The following CDH13 variants were observed in gnomAD, a reference collection of about 807,000 sequenced individuals.
CDH13 encodes the protein cadherin-13.
Under a neutral mutation model 63.8 loss-of-function variants are expected in CDH13, and 24 were observed. The observed-to-expected ratio is 0.38, with a 90% CI of 0.27 to 0.53. The LOEUF (loss-of-function observed/expected upper bound fraction) is 0.53, where lower values mean the gene tolerates loss of function less well. Ranked by LOEUF, CDH13 falls within the 20% of genes least tolerant of loss-of-function variation. The pLI is 0.85. For missense variants in CDH13, 1,049 were observed against 903.1 expected (o/e 1.16, Z -2.07); for synonymous variants, 503 against 355.3 (o/e 1.42, Z -4.67).
intron 10 of CDH13, among the ~76,000 whole-genome samples, chr16:83,738,414 G>C (rs1372966806): frequency 2.0e-5 from 3 of 152,250 alleles, no homozygotes; most frequent in Admixed American, 1.3e-4. Flanking sequence ...TCTGGAAGTG[G>C]ATTAGGGTGA....
intron 5 of CDH13, among the ~76,000 whole-genome samples, chr16:83,325,488 C>G (rs750467736): frequency 6.6e-6 from 1 of 152,140 alleles, no homozygotes; most frequent in Non-Finnish European, 1.5e-5. Context: ...TTAGGCCTTG[C>G]GAGTCATGCA....
intron 4 of CDH13, among the ~76,000 whole-genome samples, chr16:83,149,190 C>A (rs1297558200): frequency 6.6e-6 from 1 of 152,148 alleles, no homozygotes; most frequent in Non-Finnish European, 1.5e-5. Context: ...AACTAATTTC[C>A]TGTAGCTTCA....
intron 8 of CDH13, among the ~76,000 whole-genome samples, chr16:83,644,485 A>G (rs1224470887): frequency 1.3e-5 from 2 of 152,230 alleles, no homozygotes; most frequent in Admixed American, 1.3e-4. Flanking sequence ...TAAACTCCCA[A>G]AAGCAAAATG....
chr16:83,410,690 G>T (rs192287427), intron 6 of CDH13, among the ~76,000 whole-genome samples: 1 of 152,136 alleles, frequency 6.6e-6, no homozygotes, highest in Non-Finnish European at 1.5e-5. Flanking sequence ...ATAGAAATTA[G>T]TTCTTTATTC....
At chr16:83,213,511 C>G (rs779038962) in intron 4 of CDH13, among the ~76,000 whole-genome samples, 1 of 152,072 alleles carries the variant, frequency 6.6e-6, no homozygotes, top group Non-Finnish European at 1.5e-5. Context: ...GCCCGGAAGG[C>G]TTTTCCTGGC....
chr16:83,479,742 G>T (rs1018407827), intron 6 of CDH13, among the ~76,000 whole-genome samples: 1 of 152,122 alleles, frequency 6.6e-6, no homozygotes, highest in Non-Finnish European at 1.5e-5. Flanking sequence ...CTCAAAGGGG[G>T]TAATATTACT....
intron 2 of CDH13, among the ~76,000 whole-genome samples, chr16:83,018,811 T>A (rs2151450334): frequency 6.6e-6 from 1 of 152,362 alleles, no homozygotes; most frequent in East Asian, 1.9e-4. Flanking sequence ...TATAGGCAAT[T>A]GTAACACAAT....
At chr16:83,540,495 C>G (rs1430800339) in intron 7 of CDH13, among the ~76,000 whole-genome samples, 1 of 152,202 alleles carries the variant, frequency 6.6e-6, no homozygotes, top group Non-Finnish European at 1.5e-5. Flanking sequence ...GCTCTAGAAG[C>G]TCAGGGGTGC....
chr16:83,611,808 T>A (rs1374601420), intron 8 of CDH13, among the ~76,000 whole-genome samples: 1 of 152,092 alleles, frequency 6.6e-6, no homozygotes. Context: ...TTGCTAAATG[T>A]GACATATTTG....
chr16:83,764,258 C>G (rs932847862), intron 11 of CDH13, among the ~76,000 whole-genome samples: 1 of 152,102 alleles, frequency 6.6e-6, no homozygotes, highest in Non-Finnish European at 1.5e-5. Context: ...ATGGACCCCC[C>G]CACTTGGACA....
chr16:82,790,056 G>C (rs1201487567), intron 1 of CDH13, among the ~76,000 whole-genome samples: 1 of 152,126 alleles, frequency 6.6e-6, no homozygotes, highest in South Asian at 2.1e-4. Flanking sequence ...TGGTGCTATA[G>C]GGGGGTGCTG....
chr16:83,343,710 A>G (rs1024295279), intron 5 of CDH13, among the ~76,000 whole-genome samples: 2 of 152,184 alleles, frequency 1.3e-5, no homozygotes, highest in Non-Finnish European at 2.9e-5. Flanking sequence ...CTTGAGACAT[A>G]TTATATGATA....
intron 1 of CDH13, among the ~76,000 whole-genome samples, chr16:82,676,887 T>TTTTGTTTTGTTTTGC (rs1244860088): frequency 6.7e-6 from 1 of 150,308 alleles, no homozygotes; most frequent in Non-Finnish European, 1.5e-5. Context: ...TTTTGTTTTG[T>TTTTGTTTTGTTTTGC]TTTGTTTTGT....
intron 1 of CDH13, among the ~76,000 whole-genome samples, chr16:82,836,091 T>C (rs973231106): frequency 2.6e-5 from 4 of 152,210 alleles, no homozygotes; most frequent in Admixed American, 6.5e-5. Context: ...ATATGAACTT[T>C]GCATGTGAAA....
At chr16:83,668,655 G>A (rs1281949920) in intron 8 of CDH13, among the ~76,000 whole-genome samples, 1 of 152,188 alleles carries the variant, frequency 6.6e-6, no homozygotes, top group Non-Finnish European at 1.5e-5. Context: ...CTAAGCCATG[G>A]GGATCTAAGG....
At chr16:83,480,587 T>A (rs1205041431) in intron 6 of CDH13, among the ~76,000 whole-genome samples, 1 of 152,082 alleles carries the variant, frequency 6.6e-6, no homozygotes, top group Non-Finnish European at 1.5e-5. Flanking sequence ...GGCACTACAG[T>A]CACATTTGCA....
intron 1 of CDH13, among the ~76,000 whole-genome samples, chr16:82,715,930 G>A (rs776782312): frequency 1.2e-4 from 19 of 152,186 alleles, no homozygotes; most frequent in Non-Finnish European, 1.3e-4. Context: ...GTTACCAGAT[G>A]CCTTTTATGA....
chr16:83,732,012 C>A (rs1911087380), intron 10 of CDH13, among the ~76,000 whole-genome samples: 1 of 152,178 alleles, frequency 6.6e-6, no homozygotes, highest in South Asian at 2.1e-4. Flanking sequence ...TACATCCAAC[C>A]TAAAGGTAAT....
chr16:83,661,314 C>G (rs951594841), intron 8 of CDH13, among the ~76,000 whole-genome samples: 1 of 152,064 alleles, frequency 6.6e-6, no homozygotes, highest in Non-Finnish European at 1.5e-5. Flanking sequence ...TAGTGAAACC[C>G]TGTCTCTACA....
Sources: gnomAD v4.1 joint callset for allele counts (sites outside exome capture counted in the v4.1 genomes callset) on GRCh38, gnomAD v4.1.1 for gene constraint, MANE v1.5 for transcripts, NCBI Gene and HGNC (gene_info 2026-07-23, HGNC 2026-07-21) for gene names.